Variants in MACROD2 observed in about 807,000 individuals in gnomAD.
MACROD2 encodes ADP-ribose glycohydrolase MACROD2.
In MACROD2, 36 loss-of-function variants were observed where a neutral mutation model predicts 70.4. The observed-to-expected ratio is 0.51, with a 90% CI of 0.39 to 0.68. MACROD2 has a LOEUF of 0.68. Ranked by LOEUF, MACROD2 falls within the 30% of genes least tolerant of loss-of-function variation. The probability of loss-of-function intolerance (pLI) is 0.00; values close to 1 mark genes in which losing one functional copy is unlikely to be tolerated. For missense variants in MACROD2, 496 were observed against 538.4 expected, an observed-to-expected ratio of 0.92 and a Z score of 0.78; for synonymous variants, 172 against 178.8, an observed-to-expected ratio of 0.96 and a Z score of 0.30.
Position 14,548,642 on chromosome 20 carries a change from C to T in MACROD2, c.301+55134C>T, listed in dbSNP as rs1394722503. Among the ~76,000 whole-genome samples the T allele has an allele frequency of 1.1e-4, 2 of 17,944 alleles. 1 individual carries two copies. The highest frequency in any genetic ancestry group is 2.8e-4 in the Non-Finnish European group (2 of 7,192). The allele number at this position is 17,944 out of a possible 152,430, so 11.8% of individuals were successfully genotyped here. On this transcript the variant is annotated intron_variant, in intron 4 of 17. Coordinates refer to ENST00000684519, the MANE Select transcript of MACROD2 (RefSeq NM_001351661.2). ...CTGAGGCGGGAGAATGGCGTGAACC[C>T]GGGAGGCGGAGCTTGCAGTGAGCCG... is the stretch of plus-strand genomic sequence containing the variant.
chr20:14,698,659 G>T (rs73262814), intron 5 of MACROD2, among the ~76,000 whole-genome samples: 2,540 of 151,196 alleles, frequency 0.017, 74 homozygotes, highest in African/African-American at 0.057. Flanking sequence ...AGTGAGGACT[G>T]CATTCACTGT....
chr20:14,959,041 C>A (rs1161814160), intron 5 of MACROD2, among the ~76,000 whole-genome samples: 1 of 152,128 alleles, frequency 6.6e-6, no homozygotes, highest in Admixed American at 6.5e-5. Flanking sequence ...TAGCTGCTTG[C>A]AACATGTAAA....
chr20:14,089,568 CT>C (rs1168871897), intron 3 of MACROD2, among the ~76,000 whole-genome samples: 3 of 152,276 alleles, frequency 2.0e-5, no homozygotes, highest in African/African-American at 7.2e-5. Flanking sequence ...ACCTTAACCT[CT>C]TTAAATGTGA....
chr20:15,089,908 G>A (rs1273172809), intron 5 of MACROD2, among the ~76,000 whole-genome samples: 1 of 152,110 alleles, frequency 6.6e-6, no homozygotes, highest in Non-Finnish European at 1.5e-5. Flanking sequence ...CAGGGATATA[G>A]GAGTTTTCTT....
At chr20:14,330,494 G>A (rs1280590778) in intron 3 of MACROD2, among the ~76,000 whole-genome samples, 1 of 152,036 alleles carries the variant, frequency 6.6e-6, no homozygotes, top group Non-Finnish European at 1.5e-5. Flanking sequence ...TCTGCTGAAC[G>A]AGTATGTTAA....
chr20:15,375,014 C>T (rs1197609940), intron 6 of MACROD2, among the ~76,000 whole-genome samples: 1 of 152,176 alleles, frequency 6.6e-6, no homozygotes, highest in Non-Finnish European at 1.5e-5. Context: ...AATGGGCCGG[C>T]ATTGGATGAG....
chr20:15,309,748 A>G (rs1235225566), intron 6 of MACROD2, among the ~76,000 whole-genome samples: 1 of 152,170 alleles, frequency 6.6e-6, no homozygotes, highest in Non-Finnish European at 1.5e-5. Context: ...TTACGGGACC[A>G]TGGAGAAAAG....
chr20:15,233,382 GA>G (rs1279146263), intron 6 of MACROD2, among the ~76,000 whole-genome samples: 3 of 151,834 alleles, frequency 2.0e-5, no homozygotes, highest in East Asian at 3.9e-4. Context: ...AGGAGATGGA[GA>G]AAAACAGAAA....
chr20:14,065,556 T>G (rs1175576909), intron 2 of MACROD2, among the ~76,000 whole-genome samples: 1 of 152,134 alleles, frequency 6.6e-6, no homozygotes, highest in Non-Finnish European at 1.5e-5. Context: ...TAGTAATAAT[T>G]CTCCTCCTGC....
intron 5 of MACROD2, among the ~76,000 whole-genome samples, chr20:14,968,540 A>G (rs573982591): frequency 2.8e-4 from 42 of 152,256 alleles, no homozygotes; most frequent in South Asian, 4.1e-4. Flanking sequence ...AAAATATTTT[A>G]TTGTGCAACC....
At chr20:15,844,631 C>T (rs915957201) in intron 8 of MACROD2, among the ~76,000 whole-genome samples, 84 of 151,936 alleles carry the variant, frequency 5.5e-4, no homozygotes, top group African/African-American at 1.6e-3. Flanking sequence ...TATGAAGGGT[C>T]TTATCTTTTC....
chr20:14,470,527 G>T (rs549788433), intron 3 of MACROD2, among the ~76,000 whole-genome samples: 1 of 152,104 alleles, frequency 6.6e-6, no homozygotes. Context: ...GACCATAGCC[G>T]CCCCTACCCC....
chr20:14,517,528 G>T (rs2085115617), intron 4 of MACROD2, among the ~76,000 whole-genome samples: 1 of 152,046 alleles, frequency 6.6e-6, no homozygotes, highest in East Asian at 1.9e-4. Context: ...CACACACCGG[G>T]GCCTGTCAGT....
Position 14,493,475 on chromosome 20 carries a change from A to G in MACROD2, c.272-4A>G. 1 of 1,607,996 alleles carries G rather than the reference A, an allele frequency of 6.2e-7. No homozygotes were observed. The highest frequency in any genetic ancestry group is 8.5e-7 in the Non-Finnish European group (1 of 1,175,856). On this transcript the variant is annotated splice_polypyrimidine_tract_variant and splice_region_variant and intron_variant, in intron 3 of 17. Coordinates refer to ENST00000684519, the MANE Select transcript of MACROD2 (RefSeq NM_001351661.2). Reference sequence around the variant, plus strand: ...TGTCTTTTGTTGTGTTTTGTTTTAAACAGCAAATGCCAGTCTTCTTGGAGG... The same window carrying G: ...TGTCTTTTGTTGTGTTTTGTTTTAAGCAGCAAATGCCAGTCTTCTTGGAGG...
At chr20:14,508,153 T>C (rs1321642417) in intron 4 of MACROD2, among the ~76,000 whole-genome samples, 1 of 152,176 alleles carries the variant, frequency 6.6e-6, no homozygotes, top group Non-Finnish European at 1.5e-5. Context: ...GAGTTTCACC[T>C]CTGGTTCACC....
At chr20:15,043,920 A>T (rs1483134847) in intron 5 of MACROD2, among the ~76,000 whole-genome samples, 3 of 152,228 alleles carry the variant, frequency 2.0e-5, no homozygotes, top group Non-Finnish European at 4.4e-5. Context: ...TGGGGCAGAA[A>T]GAGGCATGAA....
At chr20:14,144,683 A>G (rs368855521) in intron 3 of MACROD2, among the ~76,000 whole-genome samples, 1 of 152,180 alleles carries the variant, frequency 6.6e-6, no homozygotes, top group South Asian at 2.1e-4. Context: ...ATTTTTTTAC[A>G]TCTCCACACA....
chr20:15,774,289 G>C (rs1441307252), intron 8 of MACROD2, among the ~76,000 whole-genome samples: 1 of 152,172 alleles, frequency 6.6e-6, no homozygotes, highest in African/African-American at 2.4e-5. Flanking sequence ...AGCAGTTCAA[G>C]AGAGTTATGT....
intron 4 of MACROD2, among the ~76,000 whole-genome samples, chr20:14,633,845 C>T (rs2051831186): frequency 6.6e-6 from 1 of 152,182 alleles, no homozygotes; most frequent in Non-Finnish European, 1.5e-5. Flanking sequence ...CCTAACTGGC[C>T]ACCTCATGTT....
Sources: allele counts gnomAD v4.1 joint callset (sites outside exome capture counted in the v4.1 genomes callset), GRCh38; gene constraint gnomAD v4.1.1; transcripts MANE v1.5; gene names NCBI Gene and HGNC (gene_info 2026-07-23, HGNC 2026-07-21).